CA5B: variants seen among roughly 807,000 people sequenced by gnomAD.
The protein encoded by CA5B is carbonic anhydrase 5B, mitochondrial.
CA5B carries 15 observed loss-of-function variants against 23.1 expected under a neutral mutation model. That is an observed-to-expected ratio of 0.65 (90% CI 0.43 to 1.00). The LOEUF (loss-of-function observed/expected upper bound fraction) is 1.00. Ranked by LOEUF, CA5B falls within the 50% of genes least tolerant of loss-of-function variation. The probability of loss-of-function intolerance (pLI) is 0.00; values close to 1 mark genes in which losing one functional copy is unlikely to be tolerated. For synonymous variants in CA5B, 84 were observed against 98.5 expected (o/e 0.85, Z 0.87); for missense variants, 236 against 252.2 (o/e 0.94, Z 0.43).
intron 1 of CA5B, chrX:15,745,571 T>G (rs1931214399): frequency 8.9e-6 from 1 of 112,612 alleles, no homozygotes; most frequent in Non-Finnish European, 1.9e-5. Context: ...ATAGTTTTTC[T>G]TTGTAGATTG....
chrX:15,772,733 A>C, intron 4 of CA5B, 119 bp downstream of exon 4: 1 of 416,863 alleles, frequency 2.4e-6, no homozygotes, highest in Non-Finnish European at 4.2e-6. Flanking sequence ...TAGCTTTCTC[A>C]GGCAGTTTTG....
At chrX:15,759,841 C>G (rs766939322) in intron 2 of CA5B, among the ~76,000 whole-genome samples, 1 of 100,784 alleles carries the variant, frequency 9.9e-6, no homozygotes, top group Non-Finnish European at 2.0e-5. Flanking sequence ...CAGCCTCCAC[C>G]TCCTGGTTTC....
At chrX:15,779,088 TAAG>T (rs1277024613) in intron 7 of CA5B, among the ~76,000 whole-genome samples, 1 of 111,759 alleles carries the variant, frequency 8.9e-6, no homozygotes, top group Non-Finnish European at 1.9e-5. Context: ...TTATGGAGAC[TAAG>T]AAGTCTTACA....
intron 2 of CA5B, among the ~76,000 whole-genome samples, chrX:15,756,836 C>T (rs753957555): frequency 9.1e-6 from 1 of 110,431 alleles, no homozygotes; most frequent in Non-Finnish European, 1.9e-5. Context: ...GGGTGGATCA[C>T]AAGGTCAGGA....
At chrX:15,752,464 G>T (rs868287645) in intron 2 of CA5B, among the ~76,000 whole-genome samples, 5 of 112,272 alleles carry the variant, frequency 4.5e-5, no homozygotes, top group Middle Eastern at 4.7e-3. Flanking sequence ...GATGGCTTAC[G>T]CCTGTAATCT....
intron 1 of CA5B, among the ~76,000 whole-genome samples, chrX:15,740,662 T>C (rs1245214271): frequency 2.7e-5 from 3 of 111,839 alleles, no homozygotes; most frequent in Admixed American, 9.5e-5. Context: ...GGATTCTCTT[T>C]CTATCTGTAG....
chrX:15,773,402 ATTTTTTTTTTTT>A (rs59351244), intron 4 of CA5B, among the ~76,000 whole-genome samples: 2 of 30,512 alleles, frequency 6.6e-5, no homozygotes, highest in Non-Finnish European at 1.1e-4. Flanking sequence ...TGCCCTGCTA[ATTTTTTTTTTTT>A]TTTTTTTTTT....
intron 6 of CA5B, among the ~76,000 whole-genome samples, chrX:15,776,332 C>T (rs1379590889): frequency 8.1e-5 from 6 of 74,012 alleles, no homozygotes; most frequent in Non-Finnish European, 4.9e-5. Context: ...GAGCGAGACT[C>T]TGTCTCAAAA....
At chrX:15,782,389 A>G (rs1932039900) in intron 7 of CA5B, 96 bp from the exon 8 acceptor site, 3 of 849,674 alleles carry the variant, frequency 3.5e-6, no homozygotes, top group Admixed American at 2.9e-5. Flanking sequence ...CTAATTTGCA[A>G]CGAATGCTCA....
At chrX:15,752,721 T>C (rs369589007) in intron 2 of CA5B, among the ~76,000 whole-genome samples, 301 of 86,405 alleles carry the variant, frequency 3.5e-3, no homozygotes, top group Non-Finnish European at 4.3e-3. Context: ...CGAGACTCTG[T>C]CTCAAAAAAA....
chrX:15,775,292 C>G lies in CA5B; in HGVS notation c.602C>G (p.Pro201Arg), dbSNP rs757565475. The G allele has an allele frequency of 7.5e-6, 9 of 1,196,985 alleles. No individual in the cohort carries two copies. Among genetic ancestry groups the G allele is most frequent in the African/African-American group, 1.8e-5 (1 of 57,064 alleles). The stretch of plus-strand genomic sequence containing the variant: ...CTACAGAAATTAGTGGATACTTTGC[C>G]GTCAATTAAGCATAAGGTACTATTT... ...KELQKLVDTL[P>R]SIKHKDALVE... The change falls in exon 6 of 8, where the codon CCG becomes CGG. Residue 201 changes from proline (P) to arginine (R), a missense_variant. Around this residue, in one of 3 missense-constraint regions of CA5B, gnomAD observed 170 missense variants for 162.0 expected, o/e 1.05. Coordinates refer to ENST00000318636, the MANE Select transcript of CA5B (RefSeq NM_007220.4).
intron 1 of CA5B, among the ~76,000 whole-genome samples, chrX:15,747,917 T>C (rs1020752949): frequency 1.1e-4 from 12 of 110,865 alleles, no homozygotes; most frequent in African/African-American, 4.0e-4. Context: ...GAGCAGCTCT[T>C]TCTCTTGCGA....
chrX:15,759,333 T>C (rs1187286440), intron 2 of CA5B, among the ~76,000 whole-genome samples: 1 of 111,726 alleles, frequency 9.0e-6, no homozygotes, highest in Non-Finnish European at 1.9e-5. Context: ...AGGTGGGGCT[T>C]TGGGGAGGTG....
At position 15,785,013 on chromosome X, in the gene CA5B, C is replaced by G. The variant is rs920967103; in HGVS notation, c.*2349C>G. On this transcript the variant is annotated 3_prime_UTR_variant, in exon 8 of 8. Transcript: ENST00000318636. The stretch of plus-strand genomic sequence containing the variant: ...CAATGAGATATCGTCTCACGCCCAT[C>G]ATGATGGCCACTATCAGAAGAACAA... 4.5e-5 allele frequency: 5 copies of G among 112,115 alleles called. No individual in the cohort carries two copies. Among genetic ancestry groups the G allele is most frequent in the African/African-American group, 1.6e-4 (5 of 30,815 alleles). 9.2% of individuals were successfully genotyped at this position (112,115 alleles called of 1,213,427 possible).
intron 6 of CA5B, chrX:15,776,034 C>T (rs1307436174): frequency 2.7e-6 from 2 of 751,177 alleles, no homozygotes; most frequent in East Asian, 3.0e-4. Flanking sequence ...TCTCAGTTAG[C>T]CTCTCGAAAA....
chrX:15,775,284 T>C lies in CA5B; in HGVS notation c.594T>C (p.Asp198=). 2 of 1,201,398 alleles carry C rather than the reference T, an allele frequency of 1.7e-6. No homozygotes were observed. Among genetic ancestry groups the C allele is most frequent in the South Asian group, 1.8e-5 (1 of 55,341 alleles). Residue 198 remains aspartate (D), a synonymous_variant, in exon 6 of 8, where the codon GAT becomes GAC. Coordinates refer to ENST00000318636, the MANE Select transcript of CA5B (RefSeq NM_007220.4). ...KHHKELQKLV[D]TLPSIKHKDA... is the part of the protein sequence containing the mutation. ...ATAAGGAGCTACAGAAATTAGTGGA[T>C]ACTTTGCCGTCAATTAAGCATAAGG...
At chrX:15,763,962 C>T (rs1235679625) in intron 2 of CA5B, among the ~76,000 whole-genome samples, 1 of 111,800 alleles carries the variant, frequency 8.9e-6, no homozygotes, top group African/African-American at 3.3e-5. Flanking sequence ...TGGACACATT[C>T]AGTTTTTCCA....
At chrX:15,740,025 A>G (rs1425635819) in intron 1 of CA5B, among the ~76,000 whole-genome samples, 1 of 111,930 alleles carries the variant, frequency 8.9e-6, no homozygotes, top group Non-Finnish European at 1.9e-5. Context: ...AATCAGGCAG[A>G]GTTCAAGCTG....
chrX:15,757,546 A>C (rs771142752), intron 2 of CA5B, among the ~76,000 whole-genome samples: 2 of 109,496 alleles, frequency 1.8e-5, no homozygotes, highest in South Asian at 8.0e-4. Flanking sequence ...ACAACAACAA[A>C]AACCCACAAA....
Sources: gnomAD v4.1 joint callset for allele counts (sites outside exome capture counted in the v4.1 genomes callset) on GRCh38, gnomAD v4.1.1 for gene constraint, gnomAD v4.1.1 regional missense constraint, MANE v1.5 for transcripts, NCBI Gene and HGNC (gene_info 2026-07-23, HGNC 2026-07-21) for gene names.